NOS1AP: variants seen among roughly 807,000 people sequenced by gnomAD.
NOS1AP encodes the protein carboxyl-terminal PDZ ligand of neuronal nitric oxide synthase protein.
Under a neutral mutation model 56.2 loss-of-function variants are expected in NOS1AP, and 21 were observed. The observed-to-expected ratio is 0.37, with a 90% CI of 0.26 to 0.54. NOS1AP has a LOEUF of 0.54. Ranked by LOEUF, NOS1AP falls within the 20% of genes least tolerant of loss-of-function variation. NOS1AP has a pLI of 0.84. For missense variants in NOS1AP, 522 were observed against 657.8 expected, an observed-to-expected ratio of 0.79 and a Z score of 2.26; for synonymous variants, 270 against 274.6, an observed-to-expected ratio of 0.98 and a Z score of 0.17.
At chr1:162,130,262 A>C (rs766481123) in intron 1 of NOS1AP, among the ~76,000 whole-genome samples, 1 of 152,232 alleles carries the variant, frequency 6.6e-6, no homozygotes, top group Non-Finnish European at 1.5e-5. Flanking sequence ...AGGGTAAGTA[A>C]CTAAGTTAAG....
intron 2 of NOS1AP, among the ~76,000 whole-genome samples, chr1:162,186,514 G>A (rs7546234): frequency 0.044 from 6,708 of 152,224 alleles, 315 homozygotes; most frequent in African/African-American, 0.11. Context: ...GACTGAGTGT[G>A]TCTCCCCCAA....
At chr1:162,128,888 G>A (rs1307713642) in intron 1 of NOS1AP, among the ~76,000 whole-genome samples, 1 of 152,194 alleles carries the variant, frequency 6.6e-6, no homozygotes, top group African/African-American at 2.4e-5. Flanking sequence ...GGACTTCCCT[G>A]TTAGCCGTTT....
intron 4 of NOS1AP, among the ~76,000 whole-genome samples, chr1:162,325,000 A>G (rs1656539517): frequency 6.6e-6 from 1 of 152,190 alleles, no homozygotes; most frequent in African/African-American, 2.4e-5. Flanking sequence ...TCAGGCTGTG[A>G]AGTAAGGAGA....
intron 2 of NOS1AP, among the ~76,000 whole-genome samples, chr1:162,179,199 C>G (rs1256603331): frequency 6.6e-6 from 1 of 152,034 alleles, no homozygotes; most frequent in East Asian, 1.9e-4. Context: ...ATATGTTACA[C>G]CCTTTTTTAG....
In NOS1AP at chr1:162,355,224, C is replaced by T. The variant is rs987769398; in HGVS notation, c.633C>T (p.Ala211=). ...CTGGAGCCGAGAGGGCCTCCACGGC[C>T]ACTGCAGAGGAGACTGACATCGATG... ...QLTGAERAST[A]TAEETDIDAV... The change falls in exon 7 of 10, where the codon GCC becomes GCT. Residue 211 remains alanine, a synonymous_variant. Coordinates refer to ENST00000361897, the MANE Select transcript of NOS1AP (RefSeq NM_014697.3). 2.5e-6 allele frequency: 4 copies of T among 1,614,006 alleles called. No individual in the cohort carries two copies. The highest frequency in any genetic ancestry group is 1.6e-4 in the Middle Eastern group (1 of 6,084).
chr1:162,324,676 C>T (rs1027513635), intron 4 of NOS1AP, among the ~76,000 whole-genome samples: 14 of 152,214 alleles, frequency 9.2e-5, no homozygotes, highest in Middle Eastern at 3.4e-3. Context: ...GTCTGGCTCT[C>T]GCTAGGTCTT....
intron 2 of NOS1AP, among the ~76,000 whole-genome samples, chr1:162,268,402 T>C (rs980372438): frequency 6.6e-6 from 1 of 152,156 alleles, no homozygotes; most frequent in South Asian, 2.1e-4. Context: ...GGCCTTGACA[T>C]GTGAAGGTTT....
At chr1:162,154,929 T>C (rs1649872975) in intron 2 of NOS1AP, among the ~76,000 whole-genome samples, 1 of 152,150 alleles carries the variant, frequency 6.6e-6, no homozygotes, top group Admixed American at 6.5e-5. Context: ...GTTAGGATTA[T>C]AGGCATGAGC....
chr1:162,158,229 G>T (rs927259106), intron 2 of NOS1AP, among the ~76,000 whole-genome samples: 1 of 152,140 alleles, frequency 6.6e-6, no homozygotes, highest in African/African-American at 2.4e-5. Context: ...TCATATGAAT[G>T]AAATCATATA....
At chr1:162,156,383 C>T (rs1053666599) in intron 2 of NOS1AP, among the ~76,000 whole-genome samples, 7 of 152,172 alleles carry the variant, frequency 4.6e-5, no homozygotes, top group African/African-American at 1.7e-4. Flanking sequence ...CATTTCTTCA[C>T]TCAGTCTCAT....
At chr1:162,082,110 C>T (rs570822745) in intron 1 of NOS1AP, among the ~76,000 whole-genome samples, 10 of 152,040 alleles carry the variant, frequency 6.6e-5, no homozygotes, top group East Asian at 5.8e-4. Flanking sequence ...TCTGAAAGGC[C>T]GCAGTGTGTG....
intron 2 of NOS1AP, among the ~76,000 whole-genome samples, chr1:162,277,834 T>G (rs887059603): frequency 4.4e-4 from 67 of 152,214 alleles, no homozygotes; most frequent in African/African-American, 1.5e-3. Flanking sequence ...TGCTTCTCAG[T>G]CTATATAGTG....
intron 1 of NOS1AP, among the ~76,000 whole-genome samples, chr1:162,072,445 T>C (rs867997272): frequency 1.3e-5 from 2 of 152,194 alleles, no homozygotes; most frequent in African/African-American, 2.4e-5. Context: ...GTAGTTCCTA[T>C]AGTAACTTCC....
At chr1:162,250,909 G>A (rs542835334) in intron 2 of NOS1AP, among the ~76,000 whole-genome samples, 27 of 151,928 alleles carry the variant, frequency 1.8e-4, no homozygotes, top group African/African-American at 4.8e-4. Context: ...CTGCCTTGAC[G>A]TCCCAAGCAT....
chr1:162,221,470 T>G (rs1414668048), intron 2 of NOS1AP, among the ~76,000 whole-genome samples: 2 of 151,856 alleles, frequency 1.3e-5, no homozygotes, highest in Non-Finnish European at 2.9e-5. Flanking sequence ...TTTTTCACCA[T>G]TAGCACTTTG....
At position 162,150,550 on chromosome 1, in the gene NOS1AP, T is replaced by C. The variant is rs58156606; in HGVS notation, c.106-3855T>C. ...TGAGGAACCTCCAAACTGTTCTCCATAGTGGTTGTACTAATTTACATTCCC... is the reference window on the plus strand; with the variant it reads ...TGAGGAACCTCCAAACTGTTCTCCACAGTGGTTGTACTAATTTACATTCCC... On this transcript the variant is annotated intron_variant, in intron 1 of 9. Coordinates refer to ENST00000361897, the MANE Select transcript of NOS1AP (RefSeq NM_014697.3). Among the ~76,000 whole-genome samples the C allele has an allele frequency of 6.1e-3, 929 of 152,334 alleles. 7 individuals are homozygous for C. Among genetic ancestry groups the C allele is most frequent in the African/African-American group, 0.021 (891 of 41,576 alleles).
chr1:162,086,537 A>G (rs1692006808), intron 1 of NOS1AP, among the ~76,000 whole-genome samples: 1 of 152,082 alleles, frequency 6.6e-6, no homozygotes. Context: ...CTGACACCTT[A>G]TAGGTGTGCC....
At position 162,369,383 on chromosome 1, in the gene NOS1AP, A is replaced by C. The variant is rs557713929; in HGVS notation, c.*1916A>C. On this transcript the variant is annotated 3_prime_UTR_variant, in exon 10 of 10. Transcript: ENST00000361897. ...CAGTGTGGCTGAGCCTACCTAGCTTATGAAATCTAACCCAGGGTTCCCTGA... is the reference window on the plus strand; with the variant it reads ...CAGTGTGGCTGAGCCTACCTAGCTTCTGAAATCTAACCCAGGGTTCCCTGA... 6.6e-6 allele frequency: 1 copy of C among 152,338 alleles called. No individual in the cohort carries two copies. Among genetic ancestry groups the C allele is most frequent in the African/African-American group, 2.4e-5 (1 of 41,570 alleles). The allele number at this position is 152,338 out of a possible 1,614,324, so 9.4% of individuals were successfully genotyped here.
chr1:162,365,019 G>A, intron 8 of NOS1AP: 8 of 1,089,092 alleles, frequency 7.3e-6, no homozygotes, highest in Non-Finnish European at 8.9e-6. Context: ...TGCCATGCTA[G>A]GTGCTGAAGG....
Sources: gnomAD v4.1 joint callset for allele counts (sites outside exome capture counted in the v4.1 genomes callset) on GRCh38, gnomAD v4.1.1 for gene constraint, MANE v1.5 for transcripts, NCBI Gene and HGNC (gene_info 2026-07-23, HGNC 2026-07-21) for gene names.